Variants in KLHL1 observed in about 807,000 individuals in gnomAD.
KLHL1 encodes the protein kelch-like protein 1.
KLHL1 carries 47 observed loss-of-function variants against 77.7 expected under a neutral mutation model. That is an observed-to-expected ratio of 0.60 (90% confidence interval 0.48 to 0.77). The LOEUF (loss-of-function observed/expected upper bound fraction) is 0.77, where lower values mean the gene tolerates loss of function less well. KLHL1 is among the 30% of genes least tolerant of loss of function. The pLI, the probability that KLHL1 is intolerant of heterozygous loss-of-function variation, is 0.00. For missense variants in KLHL1, 925 were observed against 910.8 expected (o/e 1.02, Z -0.20); for synonymous variants, 360 against 325.2 (o/e 1.11, Z -1.15).
intron 6 of KLHL1, among the ~76,000 whole-genome samples, chr13:69,804,067 A>G (rs754856845): frequency 6.6e-6 from 1 of 152,210 alleles, no homozygotes; most frequent in African/African-American, 2.4e-5. Flanking sequence ...GCAGTACAGT[A>G]TAGTTCTTTC....
At chr13:69,788,967 C>T (rs1876713587) in intron 7 of KLHL1, among the ~76,000 whole-genome samples, 1 of 149,920 alleles carries the variant, frequency 6.7e-6, no homozygotes, top group Non-Finnish European at 1.5e-5. Flanking sequence ...TCCTCTTTTC[C>T]CCTCTCAGGA....
chr13:69,795,795 C>T (rs960731133), intron 7 of KLHL1, among the ~76,000 whole-genome samples: 1 of 152,130 alleles, frequency 6.6e-6, no homozygotes, highest in African/African-American at 2.4e-5. Flanking sequence ...TTCCTGGTTA[C>T]CCCATAGCAG....
intron 7 of KLHL1, among the ~76,000 whole-genome samples, chr13:69,763,071 G>T (rs1875103998): frequency 1.3e-5 from 2 of 152,024 alleles, no homozygotes; most frequent in South Asian, 4.1e-4. Context: ...TCCATGATTT[G>T]GAATAAATGA....
At chr13:69,975,304 G>A in intron 2 of KLHL1, among the ~76,000 whole-genome samples, 1 of 151,922 alleles carries the variant, frequency 6.6e-6, no homozygotes, top group East Asian at 1.9e-4. Flanking sequence ...GTATGACTGT[G>A]AATCCCACAG....
At chr13:70,011,503 C>A (rs984067347) in intron 1 of KLHL1, among the ~76,000 whole-genome samples, 1 of 152,086 alleles carries the variant, frequency 6.6e-6, no homozygotes, top group Non-Finnish European at 1.5e-5. Context: ...AAGGGCATTT[C>A]TTTTGGCAAA....
rs141469581 is a variant in KLHL1 at position 69,879,996 on chromosome 13, C to A, written c.1227+2287G>T. ...ACTGCTGTTCTTCCATCTTCAGTGT[C>A]TTTAAAAGAACCTTCAAAATTGATT... On this transcript the variant is annotated intron_variant, in intron 5 of 10. Transcript: ENST00000377844. Among the ~76,000 whole-genome samples the A allele has an allele frequency of 5.8e-3, 881 of 152,224 alleles. 5 individuals are homozygous for A. Among genetic ancestry groups the A allele is most frequent in the African/African-American group, 0.02 (820 of 41,542 alleles).
chr13:70,080,071 A>T (rs1389952320), intron 1 of KLHL1, among the ~76,000 whole-genome samples: 1 of 152,170 alleles, frequency 6.6e-6, no homozygotes, highest in African/African-American at 2.4e-5. Flanking sequence ...TGCAGCAGTT[A>T]CTTGGAGCCA....
chr13:70,085,263 C>T (rs535041659), intron 1 of KLHL1, among the ~76,000 whole-genome samples: 32 of 152,126 alleles, frequency 2.1e-4, no homozygotes, highest in Non-Finnish European at 4.3e-4. Flanking sequence ...AGAGTTATTA[C>T]ACAATTAGGT....
At chr13:69,745,686 G>A (rs1874181112) in intron 7 of KLHL1, among the ~76,000 whole-genome samples, 2 of 151,766 alleles carry the variant, frequency 1.3e-5, no homozygotes, top group African/African-American at 2.4e-5. Context: ...TAATGGACAA[G>A]CATAACTAAA....
intron 8 of KLHL1, among the ~76,000 whole-genome samples, chr13:69,725,056 C>G (rs1873235356): frequency 6.6e-6 from 1 of 152,098 alleles, no homozygotes; most frequent in Non-Finnish European, 1.5e-5. Flanking sequence ...TTTGGAAACT[C>G]TAATCCTTTA....
chr13:69,746,283 T>C (rs149134101), intron 7 of KLHL1, among the ~76,000 whole-genome samples: 3 of 151,964 alleles, frequency 2.0e-5, no homozygotes, highest in Non-Finnish European at 2.9e-5. Flanking sequence ...ATAATTACTA[T>C]ACATTTTAGT....
At position 69,709,473 on chromosome 13, in the gene KLHL1, G is replaced by C. The variant is rs557361793; in HGVS notation, c.2016-1677C>G. On this transcript the variant is annotated intron_variant, in intron 9 of 10. Coordinates refer to ENST00000377844, the MANE Select transcript of KLHL1 (RefSeq NM_020866.3). ...AGGAAGAAGTAACTAAGTTAAATGC[G>C]AGTTAGAAATATAACAAAATATAGT... 1.2e-3 allele frequency among the ~76,000 whole-genome samples: 186 copies of C among 152,066 alleles called. 1 individual carries two copies. Among genetic ancestry groups the C allele is most frequent in the African/African-American group, 4.1e-3 (170 of 41,518 alleles).
intron 8 of KLHL1, among the ~76,000 whole-genome samples, 175 bp from the exon 9 acceptor site, chr13:69,719,756 T>G (rs1363154480): frequency 6.6e-6 from 1 of 151,922 alleles, no homozygotes; most frequent in Non-Finnish European, 1.5e-5. Context: ...TACTAGAAAT[T>G]TCTATTTTTG....
At chr13:69,718,726 T>A in intron 9 of KLHL1, among the ~76,000 whole-genome samples, 1 of 152,202 alleles carries the variant, frequency 6.6e-6, no homozygotes, top group South Asian at 2.1e-4. Flanking sequence ...GTGCCAGAAG[T>A]CTCTGCATAG....
chr13:69,906,371 T>A (rs1216232311), intron 4 of KLHL1, among the ~76,000 whole-genome samples: 2 of 151,984 alleles, frequency 1.3e-5, no homozygotes, highest in Non-Finnish European at 2.9e-5. Context: ...ATCTCTGTGT[T>A]TTTTGTTTGT....
intron 4 of KLHL1, among the ~76,000 whole-genome samples, chr13:69,898,121 A>C (rs1380723110): frequency 1.3e-5 from 2 of 152,194 alleles, no homozygotes; most frequent in Non-Finnish European, 1.5e-5. Context: ...GTTAATAATG[A>C]TATCTCCAAG....
chr13:70,105,188 G>A (rs907384167), intron 1 of KLHL1, among the ~76,000 whole-genome samples: 6 of 151,888 alleles, frequency 4.0e-5, no homozygotes, highest in Non-Finnish European at 7.4e-5. Context: ...GGTTAATTTA[G>A]GAATTCTTAT....
chr13:69,810,558 T>C lies in KLHL1; in HGVS notation c.1415-13596A>G, dbSNP rs149232080. Among the ~76,000 whole-genome samples, 4 of 152,158 alleles carry C rather than the reference T, an allele frequency of 2.6e-5. No individual in the cohort carries two copies. The East Asian group carries it at 7.7e-4, about 29-fold the overall frequency. ...GCAAGGTTAACAACAAAGTTTATAG[T>C]GCTGAACATCTACATCGAGAAGATA... On this transcript the variant is annotated intron_variant, in intron 6 of 10. Coordinates refer to ENST00000377844, the MANE Select transcript of KLHL1 (RefSeq NM_020866.3).
chr13:69,796,052 A>G (rs1251852552), intron 7 of KLHL1, among the ~76,000 whole-genome samples: 1 of 152,102 alleles, frequency 6.6e-6, no homozygotes, highest in African/African-American at 2.4e-5. Flanking sequence ...TCCATATTCA[A>G]CTGTACATAT....
Sources: allele counts gnomAD v4.1 joint callset (sites outside exome capture counted in the v4.1 genomes callset), GRCh38; gene constraint gnomAD v4.1.1; transcripts MANE v1.5; gene names NCBI Gene and HGNC (gene_info 2026-07-23, HGNC 2026-07-21).